Variants in DENND4A observed in about 807,000 individuals in gnomAD.
DENND4A encodes DENN domain containing 4A.
DENND4A carries 70 observed loss-of-function variants against 199.3 expected under a neutral mutation model. The observed-to-expected ratio is 0.35, with a 90% CI of 0.29 to 0.43. The LOEUF is 0.43. Among genes scored for constraint, DENND4A ranks in the 20% least tolerant of loss-of-function variants. The pLI is 1.00. For synonymous variants in DENND4A, 686 were observed against 766.9 expected (o/e 0.89, Z 1.74); for missense variants, 1,723 against 2,255.8 (o/e 0.76, Z 4.78).
intron 1 of DENND4A, among the ~76,000 whole-genome samples, chr15:65,790,843 T>C (rs2077697831): frequency 6.6e-6 from 1 of 152,168 alleles, no homozygotes; most frequent in Non-Finnish European, 1.5e-5. Context: ...TACCCAATCT[T>C]AGGTCCCCCA....
chr15:65,776,704 T>C (rs1174718050), intron 1 of DENND4A, among the ~76,000 whole-genome samples: 1 of 152,184 alleles, frequency 6.6e-6, no homozygotes, highest in African/African-American at 2.4e-5. Flanking sequence ...TCAGACTCAA[T>C]TTTCTCCCAG....
intron 5 of DENND4A, among the ~76,000 whole-genome samples, chr15:65,740,691 T>G (rs1369314): frequency 0.2 from 29,983 of 150,782 alleles, 3,990 homozygotes; most frequent in East Asian, 0.73. Flanking sequence ...CCGGGTATGG[T>G]GGCCCTCACC....
Position 65,722,849 on chromosome 15 carries a change from T to C in DENND4A, c.1587A>G (p.Lys529=), listed in dbSNP as rs2140322615. 6.3e-7 allele frequency: 1 copy of C among 1,592,556 alleles called. No homozygotes were observed. The highest frequency in any genetic ancestry group is 2.3e-5 in the East Asian group (1 of 43,572). Residue 529 remains lysine (K), a splice_region_variant and synonymous_variant, in exon 12 of 33, where the codon AAA becomes AAG. Transcript: ENST00000443035. ...CCTTTAATTAAGTTATCCACTTACA[T>C]TTTGCCAATTGCTGATGCAAATTAT... is the stretch of plus-strand genomic sequence containing the variant. ...TLNNLHQQLA[K]LQQRPRDDGL...
rs769729710 is a variant in DENND4A, at chr15:65,691,271, G to A, written c.3323C>T (p.Ala1108Val). The A allele has an allele frequency of 1.9e-6, 3 of 1,612,952 alleles. No homozygotes were observed. The highest frequency in any genetic ancestry group is 2.2e-5 in the East Asian group (1 of 44,856). The change falls in exon 23 of 33, where the codon GCA (alanine) becomes GTA (valine). Residue 1108 changes from alanine to valine, a missense_variant. Ala to Val is a moderately conservative substitution (Grantham distance 64, BLOSUM62 0). This residue lies in a region of DENND4A where 650 missense variants were observed against 738.1 expected (regional missense o/e 0.88). Coordinates refer to ENST00000443035, the MANE Select transcript of DENND4A (RefSeq NM_001320835.1). Reference sequence around the variant, plus strand: ...TGAGATAACATTTGAAAGAATTTTTGCATCAGCTCCCAATTTTTCAACTAT... The same window carrying A: ...TGAGATAACATTTGAAAGAATTTTTACATCAGCTCCCAATTTTTCAACTAT... ...GDIVEKLGAD[A>V]KILSNVISKS...
At chr15:65,704,306 T>C (rs1345559478) in intron 15 of DENND4A, among the ~76,000 whole-genome samples, 14 of 152,122 alleles carry the variant, frequency 9.2e-5, no homozygotes, top group Non-Finnish European at 4.4e-5. Flanking sequence ...ACCAAAATTA[T>C]ATTGGTAGTC....
chr15:65,788,350 C>T (rs538753261), intron 1 of DENND4A, among the ~76,000 whole-genome samples: 10 of 152,174 alleles, frequency 6.6e-5, no homozygotes, highest in Admixed American at 2.0e-4. Flanking sequence ...GCTGGGATTA[C>T]AGGCGTGAGC....
chr15:65,662,928 C>T (rs2075901087), intron 32 of DENND4A, among the ~76,000 whole-genome samples: 1 of 151,974 alleles, frequency 6.6e-6, no homozygotes, highest in Non-Finnish European at 1.5e-5. Context: ...TGGCAGAGGG[C>T]TAGAGTAATA....
At chr15:65,711,624 C>T (rs888388365) in intron 14 of DENND4A, among the ~76,000 whole-genome samples, 2 of 152,146 alleles carry the variant, frequency 1.3e-5, no homozygotes, top group Non-Finnish European at 2.9e-5. Context: ...ATAAATCTTC[C>T]CCCAAAACAA....
chr15:65,748,958 A>C (rs982210408), intron 4 of DENND4A, among the ~76,000 whole-genome samples: 24 of 150,942 alleles, frequency 1.6e-4, no homozygotes, highest in African/African-American at 5.6e-4. Flanking sequence ...AGTCCACTAT[A>C]CTCCAGCCTG....
chr15:65,714,488 T>G (rs2075339871), intron 14 of DENND4A, among the ~76,000 whole-genome samples: 1 of 151,954 alleles, frequency 6.6e-6, no homozygotes, highest in African/African-American at 2.4e-5. Flanking sequence ...CCCCCATATG[T>G]AACATTCTCC....
rs773463827 is a variant in DENND4A at position 65,752,551 on chromosome 15, T to C, written c.389A>G (p.Asn130Ser). 36 of 1,612,718 alleles carry C rather than the reference T, an allele frequency of 2.2e-5. No homozygotes were observed. Among genetic ancestry groups the C allele is most frequent in the Non-Finnish European group, 3.1e-5 (36 of 1,179,350 alleles). Reference protein sequence around the residue: ...IQSTPYGRPANISGSTSSQRI... With the variant: ...IQSTPYGRPASISGSTSSQRI... The stretch of plus-strand genomic sequence containing the variant: ...TTGTGATGAGGTACTCCCACTAATA[T>C]TTGCGGGGCGCCCATAGGGAGTACT... The change falls in exon 4 of 33, where the codon AAT becomes AGT. Residue 130 changes from asparagine (N) to serine (S), a missense_variant. Asn to Ser is a conservative substitution (Grantham distance 46). Coordinates refer to ENST00000443035, the MANE Select transcript of DENND4A (RefSeq NM_001320835.1).
intron 2 of DENND4A, among the ~76,000 whole-genome samples, chr15:65,758,454 C>A (rs1443606677): frequency 6.6e-6 from 1 of 152,148 alleles, no homozygotes; most frequent in African/African-American, 2.4e-5. Context: ...GCTGGGACCA[C>A]AGGTGTGCAC....
At position 65,702,450 on chromosome 15, in the gene DENND4A, C is replaced by G. The variant is rs1198695751; in HGVS notation, c.2285G>C (p.Arg762Thr). The part of the protein sequence containing the change: ...RYSSIPQMWS[R>T]CLLRHCYGLW... ...TCCATAACAGTGGCGCAGTAGACAC[C>G]TAGACCACATCTGAGGGATGGAAGA... Residue 762 changes from arginine to threonine, a missense_variant, in exon 17 of 33, where the codon AGG (arginine) becomes ACG (threonine). Physicochemically the swap from Arg to Thr is moderately conservative, Grantham distance 71. This residue lies in a region of DENND4A where 725 missense variants were observed against 952.9 expected (regional missense o/e 0.76). Coordinates refer to ENST00000443035, the MANE Select transcript of DENND4A (RefSeq NM_001320835.1). 6.3e-7 allele frequency: 1 copy of G among 1,597,620 alleles called. No homozygotes were observed. The highest frequency in any genetic ancestry group is 8.5e-7 in the Non-Finnish European group (1 of 1,171,898).
rs539746062 is a variant in DENND4A, at chr15:65,788,138, G to A, written c.-102+3872C>T. Among the ~76,000 whole-genome samples the A allele has an allele frequency of 9.9e-5, 15 of 151,382 alleles. No homozygotes were observed. In the South Asian group the frequency reaches 3.1e-3, roughly 32 times the overall value. ...GCCACCCAGGCTGGGGTGCAGTGGC[G>A]CTATCTCTGCTCACTGCAAGCTCCG... On this transcript the variant is annotated intron_variant, in intron 1 of 32. Coordinates refer to ENST00000443035, the MANE Select transcript of DENND4A (RefSeq NM_001320835.1).
At chr15:65,771,398 T>C in intron 1 of DENND4A, 1 of 1,584,138 alleles carries the variant, frequency 6.3e-7, no homozygotes, top group Non-Finnish European at 8.7e-7. Context: ...ATATTCATTT[T>C]TAAAGTCCTT....
Position 65,661,928 on chromosome 15 carries a change from T to C in DENND4A, c.5647A>G (p.Ser1883Gly), listed in dbSNP as rs200193901. 441 of 1,613,258 alleles carry C rather than the reference T, an allele frequency of 2.7e-4. No homozygotes were observed. Among genetic ancestry groups the C allele is most frequent in the Non-Finnish European group, 3.6e-4 (430 of 1,179,580 alleles). ...YDRLTPSQVK[S>G]THNCDRPPST... ...GGTGGTCTATCACAGTTGTGTGTAC[T>C]CTTGACTTGACTAGGTGTGAGACGA... Residue 1883 changes from serine to glycine, a missense_variant, in exon 33 of 33, where the codon AGT becomes GGT. Physicochemically the swap from Ser to Gly is moderately conservative, Grantham distance 56. Transcript: ENST00000443035.
intron 1 of DENND4A, among the ~76,000 whole-genome samples, chr15:65,784,175 AT>A (rs2077505818): frequency 1.3e-5 from 2 of 152,182 alleles, no homozygotes; most frequent in Admixed American, 6.5e-5. Context: ...ATTCTACAAA[AT>A]CCCTGACCAA....
rs1169442872 is a variant in DENND4A at position 65,717,953 on chromosome 15, T to C, written c.1632A>G (p.Ile544Met). The C allele has an allele frequency of 1.2e-6, 2 of 1,608,306 alleles. No individual in the cohort carries two copies. The stretch of plus-strand genomic sequence containing the variant: ...TTCCAGAATTAAAATCATAGTCATT[T>C]ATTGCTAAATCCATGAGTCCATCAT... ...PRDDGLMDLA[I>M]NDYDFNSGKR... Residue 544 changes from isoleucine (I) to methionine (M), a missense_variant, in exon 13 of 33, where the codon ATA becomes ATG. Ile to Met is a conservative substitution (Grantham distance 10). Around this residue, in one of 6 missense-constraint regions of DENND4A, gnomAD observed 725 missense variants for 952.9 expected, o/e 0.76. Transcript: ENST00000443035.
At chr15:65,690,320 A>C in intron 23 of DENND4A, 95 bp downstream of exon 23, 2 of 1,312,190 alleles carry the variant, frequency 1.5e-6, no homozygotes, top group Non-Finnish European at 2.0e-6. Context: ...TTATAAAGCT[A>C]TGTTTAGAAG....
Sources: gnomAD v4.1 joint callset for allele counts (sites outside exome capture counted in the v4.1 genomes callset) on GRCh38, gnomAD v4.1.1 for gene constraint, gnomAD v4.1.1 regional missense constraint, MANE v1.5 for transcripts, NCBI Gene and HGNC (gene_info 2026-07-23, HGNC 2026-07-21) for gene names.